The following CPED1 variants were observed in gnomAD, a reference collection of about 807,000 sequenced individuals.
CPED1 encodes the protein cadherin-like and PC-esterase domain-containing protein 1.
CPED1 carries 114 observed loss-of-function variants against 128.2 expected under a neutral mutation model. That is an observed-to-expected ratio of 0.89 (90% confidence interval 0.76 to 1.04). CPED1 has a LOEUF of 1.04. CPED1 is among the 50% of genes least tolerant of loss of function. The pLI is 0.00. For missense variants in CPED1, 1,211 were observed against 1,207.1 expected, an observed-to-expected ratio of 1.00 and a Z score of -0.05; for synonymous variants, 462 against 426.7, an observed-to-expected ratio of 1.08 and a Z score of -1.02.
intron 7 of CPED1, among the ~76,000 whole-genome samples, chr7:121,102,888 T>C (rs558789847): frequency 1.1e-4 from 17 of 152,108 alleles, no homozygotes; most frequent in African/African-American, 3.9e-4. Context: ...CAAAGAGGTG[T>C]TTGTTATTTT....
intron 22 of CPED1, among the ~76,000 whole-genome samples, chr7:121,293,040 C>T (rs1418242426): frequency 1.3e-5 from 2 of 152,188 alleles, no homozygotes; most frequent in Non-Finnish European, 2.9e-5. Context: ...TAGCAGAGCT[C>T]TAGTGCTGTG....
In CPED1 at chr7:121,120,283, A is replaced by G. The variant is rs76901616; in HGVS notation, c.919-4048A>G. The stretch of plus-strand genomic sequence containing the variant: ...TCCACCATCAAAGCACAAGGATTCC[A>G]GTCTCTTAATATCCTCACCAATGAT... On this transcript the variant is annotated intron_variant, in intron 7 of 22. Coordinates refer to ENST00000310396, the MANE Select transcript of CPED1 (RefSeq NM_024913.5). Among the ~76,000 whole-genome samples, 1,031 of 152,314 alleles carry G rather than the reference A, an allele frequency of 6.8e-3. 6 individuals are homozygous for G. The highest frequency in any genetic ancestry group is 0.01 in the Non-Finnish European group (685 of 68,020).
intron 16 of CPED1, among the ~76,000 whole-genome samples, chr7:121,227,398 A>C (rs1177554422): frequency 6.6e-6 from 1 of 152,098 alleles, no homozygotes; most frequent in African/African-American, 2.4e-5. Flanking sequence ...ATCTGGGCTT[A>C]CATCGTGGAT....
intron 2 of CPED1, among the ~76,000 whole-genome samples, chr7:120,995,990 T>G (rs1325578838): frequency 6.7e-6 from 1 of 149,884 alleles, no homozygotes; most frequent in South Asian, 2.1e-4. Flanking sequence ...TTCTTCTTCT[T>G]CAATAACTCT....
intron 3 of CPED1, among the ~76,000 whole-genome samples, chr7:121,032,681 C>T (rs1314770468): frequency 1.3e-5 from 2 of 151,250 alleles, no homozygotes; most frequent in Admixed American, 6.6e-5. Context: ...CACACCTGCA[C>T]GTTCTGCACA....
At chr7:121,223,340 G>A (rs1327670613) in intron 16 of CPED1, among the ~76,000 whole-genome samples, 1 of 152,158 alleles carries the variant, frequency 6.6e-6, no homozygotes, top group Non-Finnish European at 1.5e-5. Context: ...TTTTTGATGT[G>A]CTGCTGGATT....
At chr7:121,140,802 G>A in intron 14 of CPED1, 25 bp from the exon 15 acceptor site, 1 of 1,553,706 alleles carries the variant, frequency 6.4e-7, no homozygotes, top group Non-Finnish European at 8.8e-7. Flanking sequence ...AGTTGTCTTT[G>A]TCATTGTTTT....
rs1792120065 is a variant in CPED1, at chr7:121,266,264, T to C, written c.2348T>C (p.Met783Thr). ...FIGDSTNRGI[M>T]YYLIERLNET... ...GGAGATTCAACCAACAGAGGGATCA[T>C]GTACTATCTTATTGAAAGGCTGAAT... The change falls in exon 19 of 23, where the codon ATG (methionine) becomes ACG (threonine). Residue 783 changes from methionine (M) to threonine (T), a missense_variant. Met to Thr is a moderately conservative substitution (Grantham distance 81). Transcript: ENST00000310396. 3 of 1,612,920 alleles carry C rather than the reference T, an allele frequency of 1.9e-6. No individual in the cohort carries two copies. Among genetic ancestry groups the C allele is most frequent in the African/African-American group, 1.3e-5 (1 of 74,846 alleles).
chr7:121,067,994 T>A (rs1340895445), intron 5 of CPED1, among the ~76,000 whole-genome samples: 5 of 152,188 alleles, frequency 3.3e-5, no homozygotes, highest in Non-Finnish European at 7.4e-5. Context: ...GTTTGAGTTC[T>A]TTGTAGATTC....
At chr7:121,198,102 T>A (rs1797310337) in intron 16 of CPED1, among the ~76,000 whole-genome samples, 1 of 152,044 alleles carries the variant, frequency 6.6e-6, no homozygotes, top group South Asian at 2.1e-4. Context: ...CAATAAAAAG[T>A]CAGAAAATAG....
intron 22 of CPED1, among the ~76,000 whole-genome samples, chr7:121,289,385 G>T (rs1792645917): frequency 6.6e-6 from 1 of 152,002 alleles, no homozygotes; most frequent in African/African-American, 2.4e-5. Context: ...AAAAAATCAA[G>T]CCCAAAGTTA....
chr7:121,123,418 A>G (rs1795433593), intron 7 of CPED1, among the ~76,000 whole-genome samples: 1 of 152,196 alleles, frequency 6.6e-6, no homozygotes, highest in Non-Finnish European at 1.5e-5. Flanking sequence ...TGTTTTTCCA[A>G]AAAACATTAA....
At chr7:121,010,403 C>A (rs778177558) in intron 2 of CPED1, among the ~76,000 whole-genome samples, 2 of 152,216 alleles carry the variant, frequency 1.3e-5, no homozygotes, top group Non-Finnish European at 2.9e-5. Context: ...GGCACACCAC[C>A]ATGCCCAGCT....
intron 22 of CPED1, among the ~76,000 whole-genome samples, chr7:121,275,598 G>A (rs1458656393): frequency 6.6e-6 from 1 of 152,096 alleles, no homozygotes; most frequent in Non-Finnish European, 1.5e-5. Context: ...CAATTATGCA[G>A]ACCTTATATA....
At chr7:121,287,610 C>T (rs1792611851) in intron 22 of CPED1, among the ~76,000 whole-genome samples, 1 of 152,124 alleles carries the variant, frequency 6.6e-6, no homozygotes, top group South Asian at 2.1e-4. Flanking sequence ...AGTCTCCTCT[C>T]ATCACTTTTT....
Position 121,097,791 on chromosome 7 carries a change from C to A in CPED1, c.709C>A (p.Pro237Thr). 6.2e-7 allele frequency: 1 copy of A among 1,613,808 alleles called. No homozygotes were observed. Among genetic ancestry groups the A allele is most frequent in the African/African-American group, 1.3e-5 (1 of 75,010 alleles). Residue 237 changes from proline to threonine, a missense_variant, in exon 6 of 23, where the codon CCA becomes ACA. Physicochemically the swap from Pro to Thr is conservative, Grantham distance 38. Transcript: ENST00000310396. ...TSSHLLKTVKPRVWKPGDWSR... is the reference protein window; with the variant it reads ...TSSHLLKTVKTRVWKPGDWSR... ...GAGTCACCTTTTAAAAACAGTGAAGCCACGTGTGTGGAAACCAGGGGACTG... is the reference window on the plus strand; with the variant it reads ...GAGTCACCTTTTAAAAACAGTGAAGACACGTGTGTGGAAACCAGGGGACTG...
chr7:121,143,713 G>T (rs1795956326), intron 16 of CPED1, among the ~76,000 whole-genome samples: 1 of 151,750 alleles, frequency 6.6e-6, no homozygotes, highest in African/African-American at 2.4e-5. Context: ...TTCATACATT[G>T]CTGGGAGAAG....
chr7:121,057,224 T>A (rs1793522462), intron 4 of CPED1, among the ~76,000 whole-genome samples: 1 of 152,164 alleles, frequency 6.6e-6, no homozygotes, highest in Admixed American at 6.5e-5. Flanking sequence ...TTGATCCACC[T>A]GCCTCAGCCT....
In CPED1 at chr7:120,989,570, G is replaced by A; in HGVS notation, c.-52G>A. On this transcript the variant is annotated 5_prime_UTR_variant, in exon 2 of 23. Transcript: ENST00000310396. Reference sequence around the variant, plus strand: ...TTTTTCATGCTGACAAAAAATAGCTGCTATGACTTTTCCCGCAACGTGGAC... The same window carrying A: ...TTTTTCATGCTGACAAAAAATAGCTACTATGACTTTTCCCGCAACGTGGAC... The A allele has an allele frequency of 6.3e-7, 1 of 1,598,600 alleles. No individual in the cohort carries two copies. Among genetic ancestry groups the A allele is most frequent in the Non-Finnish European group, 8.5e-7 (1 of 1,172,632 alleles).
Sources: gnomAD v4.1 joint callset for allele counts (sites outside exome capture counted in the v4.1 genomes callset) on GRCh38, gnomAD v4.1.1 for gene constraint, MANE v1.5 for transcripts, NCBI Gene and HGNC (gene_info 2026-07-23, HGNC 2026-07-21) for gene names.